Variants in ANK2 observed in about 807,000 individuals in gnomAD.
ANK2 encodes ankyrin 2.
Under a neutral mutation model 360.5 loss-of-function variants are expected in ANK2, and 83 were observed. The ratio of observed to expected loss-of-function variants is 0.23; its 90% confidence interval spans 0.19 to 0.28. ANK2 has a LOEUF of 0.28. Among genes scored for constraint, ANK2 ranks in the 10% least tolerant of loss-of-function variants. The probability of loss-of-function intolerance (pLI) is 1.00; values close to 1 mark genes in which losing one functional copy is unlikely to be tolerated. For missense variants in ANK2, 4,201 were observed against 4,795.7 expected, an observed-to-expected ratio of 0.88 and a Z score of 3.66; for synonymous variants, 1,740 against 1,759.5, an observed-to-expected ratio of 0.99 and a Z score of 0.28.
chr4:113,151,135 C>CA (rs1415065968), intron 1 of ANK2: 5 of 1,285,110 alleles, frequency 3.9e-6, no homozygotes, highest in Middle Eastern at 2.1e-4. Flanking sequence ...GTGATGGAAG[C>CA]AAAAAAACAC....
At chr4:113,060,289 GATA>G (rs1222836969) in intron 1 of ANK2, among the ~76,000 whole-genome samples, 6 of 152,054 alleles carry the variant, frequency 3.9e-5, no homozygotes, top group African/African-American at 9.7e-5. Flanking sequence ...ATTTTTCAAT[GATA>G]ATAATAAATA....
the ANK2 span, among the ~76,000 whole-genome samples, chr4:112,747,168 C>T: frequency 7.2e-5 from 11 of 152,124 alleles, no homozygotes; most frequent in African/African-American, 2.7e-4. Flanking sequence ...ATTCTTTAGC[C>T]AAAACTCTGT....
intron 2 of ANK2, among the ~76,000 whole-genome samples, chr4:112,957,460 C>G (rs1178883034): frequency 2.6e-5 from 4 of 152,242 alleles, no homozygotes; most frequent in African/African-American, 7.2e-5. Flanking sequence ...ATCTTTTCCC[C>G]GCCTTTCCCC....
chr4:112,812,092 AAAAAAG>A, the ANK2 span, among the ~76,000 whole-genome samples: 1 of 151,694 alleles, frequency 6.6e-6, no homozygotes, highest in African/African-American at 2.4e-5. Context: ...AAAAAAAAAA[AAAAAAG>A]AGCTATGTGT....
At chr4:113,113,470 G>T (rs1326795479) in intron 1 of ANK2, among the ~76,000 whole-genome samples, 1 of 152,126 alleles carries the variant, frequency 6.6e-6, no homozygotes, top group Non-Finnish European at 1.5e-5. Context: ...ACAGCAAATG[G>T]CCATTTTATC....
chr4:112,924,877 C>T (rs1431067226), intron 2 of ANK2, among the ~76,000 whole-genome samples: 12 of 139,056 alleles, frequency 8.6e-5, no homozygotes, highest in African/African-American at 2.7e-4. Context: ...CTCGCTCTGT[C>T]GCCCAGGCTG....
the ANK2 span, among the ~76,000 whole-genome samples, chr4:112,777,125 TAC>T: frequency 2.0e-5 from 3 of 152,328 alleles, no homozygotes; most frequent in Non-Finnish European, 2.9e-5. Context: ...ATTGTTTCCA[TAC>T]ACAGTTTTGT....
chr4:113,369,941 A>C (rs2096669114), intron 43 of ANK2, 136 bp downstream of exon 43: 7 of 1,027,036 alleles, frequency 6.8e-6, no homozygotes, highest in Non-Finnish European at 1.0e-5. Context: ...GCACATGGAA[A>C]CCCTCAATCC....
intron 2 of ANK2, among the ~76,000 whole-genome samples, chr4:112,931,397 T>C (rs2154237417): frequency 6.6e-6 from 1 of 152,126 alleles, no homozygotes; most frequent in Middle Eastern, 3.4e-3. Context: ...TTGAATACTA[T>C]TTATTTTACG....
intron 1 of ANK2, among the ~76,000 whole-genome samples, chr4:112,901,476 A>G (rs2083325641): frequency 6.6e-6 from 1 of 152,234 alleles, no homozygotes; most frequent in Non-Finnish European, 1.5e-5. Flanking sequence ...GATGCTGATA[A>G]GCTGATGCTG....
At chr4:112,827,085 G>A in intron 1 of ANK2, 1 of 1,150,618 alleles carries the variant, frequency 8.7e-7, no homozygotes, top group Non-Finnish European at 1.3e-6. Context: ...ATGCAACACA[G>A]GAAAAATTAT....
chr4:113,368,729 G>A (rs549025442), intron 42 of ANK2, among the ~76,000 whole-genome samples: 2 of 152,144 alleles, frequency 1.3e-5, no homozygotes, highest in African/African-American at 4.8e-5. Flanking sequence ...GATGAAATGA[G>A]TAATGAAATT....
chr4:113,315,696 A>C (rs1446326818), intron 24 of ANK2, among the ~76,000 whole-genome samples: 1 of 152,118 alleles, frequency 6.6e-6, no homozygotes, highest in Non-Finnish European at 1.5e-5. Context: ...CAGGAGATCG[A>C]GACCATCCTG....
intron 1 of ANK2, among the ~76,000 whole-genome samples, chr4:112,877,646 G>A (rs2075501654): frequency 6.6e-6 from 1 of 152,144 alleles, no homozygotes; most frequent in Non-Finnish European, 1.5e-5. Flanking sequence ...AGAATTTCAA[G>A]ATGGCAACCT....
chr4:112,774,052 G>T, the ANK2 span, among the ~76,000 whole-genome samples: 1 of 151,818 alleles, frequency 6.6e-6, no homozygotes, highest in African/African-American at 2.4e-5. Context: ...GCCTGCCTTG[G>T]CCTCCCAAAG....
intron 2 of ANK2, among the ~76,000 whole-genome samples, chr4:113,186,025 T>A (rs1178127689): frequency 6.6e-6 from 1 of 152,162 alleles, no homozygotes; most frequent in Non-Finnish European, 1.5e-5. Flanking sequence ...GAGCAGTGGA[T>A]CTCCCAGCAC....
chr4:112,789,675 C>A, the ANK2 span, among the ~76,000 whole-genome samples: 1 of 152,100 alleles, frequency 6.6e-6, no homozygotes, highest in Non-Finnish European at 1.5e-5. Flanking sequence ...TATATATCCT[C>A]AAGTTCCTGT....
At chr4:112,789,953 G>A in the ANK2 span, among the ~76,000 whole-genome samples, 1 of 152,206 alleles carries the variant, frequency 6.6e-6, no homozygotes, top group Non-Finnish European at 1.5e-5. Flanking sequence ...AAAATAACCA[G>A]TGTTGGTGAG....
chr4:112,927,922 G>T (rs1263691045), intron 2 of ANK2, among the ~76,000 whole-genome samples: 1 of 152,116 alleles, frequency 6.6e-6, no homozygotes, highest in Non-Finnish European at 1.5e-5. Context: ...ACAAGAAAAA[G>T]CTGTCACTAG....
Sources: gnomAD v4.1 joint callset for allele counts (sites outside exome capture counted in the v4.1 genomes callset) on GRCh38, gnomAD v4.1.1 for gene constraint, MANE v1.5 for transcripts, NCBI Gene and HGNC (gene_info 2026-07-23, HGNC 2026-07-21) for gene names.